The following CPVL variants were observed in gnomAD, a reference collection of about 807,000 sequenced individuals.
CPVL encodes the protein carboxypeptidase vitellogenic like, also known as probable serine carboxypeptidase CPVL.
A neutral mutation model predicts 63.7 loss-of-function variants in CPVL; 51 were observed. The ratio of observed to expected loss-of-function variants is 0.80; its 90% CI spans 0.64 to 1.01. CPVL has a LOEUF of 1.01. CPVL is among the 50% of genes least tolerant of loss of function. The probability of loss-of-function intolerance (pLI) is 0.00; values close to 1 mark genes in which losing one functional copy is unlikely to be tolerated. For synonymous variants in CPVL, 195 were observed against 206.0 expected (o/e 0.95, Z 0.46); for missense variants, 530 against 573.1 (o/e 0.92, Z 0.77).
At chr7:29,047,715 A>G (rs1056176735) in intron 11 of CPVL, among the ~76,000 whole-genome samples, 1 of 152,202 alleles carries the variant, frequency 6.6e-6, no homozygotes, top group African/African-American at 2.4e-5. Context: ...TCACAAAAAG[A>G]TCATCACCTA....
chr7:29,027,049 G>T (rs1281040602), intron 12 of CPVL, among the ~76,000 whole-genome samples: 1 of 152,016 alleles, frequency 6.6e-6, no homozygotes, highest in African/African-American at 2.4e-5. Context: ...GAAAACTACA[G>T]GCCAATCTCC....
intron 12 of CPVL, among the ~76,000 whole-genome samples, chr7:29,019,634 C>T (rs1015421903): frequency 8.5e-5 from 13 of 152,196 alleles, no homozygotes; most frequent in African/African-American, 3.1e-4. Flanking sequence ...GACACATACC[C>T]ATGCTTCTGT....
chr7:29,185,570 T>A (rs1438013323), exon 3 of CPVL: 1 of 151,718 alleles, frequency 6.6e-6, no homozygotes, highest in African/African-American at 2.4e-5. Flanking sequence ...ATTTCTCTTA[T>A]CAAACCTTAG....
intron 12 of CPVL, among the ~76,000 whole-genome samples, chr7:29,026,531 G>A (rs1787507657): frequency 6.6e-6 from 1 of 150,634 alleles, no homozygotes; most frequent in South Asian, 2.1e-4. Context: ...GAAATACAAA[G>A]GATCAATGAA....
intron 5 of CPVL, among the ~76,000 whole-genome samples, chr7:29,173,499 A>G (rs561866920): frequency 6.6e-6 from 1 of 152,170 alleles, no homozygotes; most frequent in East Asian, 1.9e-4. Flanking sequence ...CAATATTATA[A>G]CTTTCTTTCC....
At chr7:29,139,793 A>G (rs1375132611) in intron 1 of CPVL, among the ~76,000 whole-genome samples, 2 of 152,156 alleles carry the variant, frequency 1.3e-5, no homozygotes, top group African/African-American at 4.8e-5. Context: ...TTCTCCTGCC[A>G]GCCAAGTTAA....
chr7:29,045,491 A>T (rs1232807746), intron 11 of CPVL, among the ~76,000 whole-genome samples: 1 of 152,186 alleles, frequency 6.6e-6, no homozygotes, highest in Non-Finnish European at 1.5e-5. Flanking sequence ...TGCAGAAGTC[A>T]TGCTTCACTG....
chr7:29,003,063 T>G (rs1784813992), intron 12 of CPVL, among the ~76,000 whole-genome samples: 1 of 151,954 alleles, frequency 6.6e-6, no homozygotes, highest in Non-Finnish European at 1.5e-5. Context: ...CTATGAATCC[T>G]AGATAGAATA....
intron 4 of CPVL, 146 bp downstream of exon 4, chr7:29,095,957 T>G: frequency 4.2e-6 from 3 of 715,426 alleles, no homozygotes; most frequent in East Asian, 2.5e-5. Context: ...CCTTCTCGGA[T>G]GGATATTGCC....
At chr7:29,099,102 G>T (rs1023644210) in intron 3 of CPVL, among the ~76,000 whole-genome samples, 1 of 151,894 alleles carries the variant, frequency 6.6e-6, no homozygotes, top group African/African-American at 2.4e-5. Context: ...AATAAAAATT[G>T]AAAAAAGATC....
At position 29,120,983 on chromosome 7, in the gene CPVL, G is replaced by A. The variant is rs1789311895; in HGVS notation, c.79C>T (p.Leu27=). 6.2e-7 allele frequency: 1 copy of A among 1,613,780 alleles called. No homozygotes were observed. Among genetic ancestry groups the A allele is most frequent in the African/African-American group, 1.3e-5 (1 of 74,882 alleles). The change falls in exon 2 of 13, where the codon CTA becomes TTA. Residue 27 remains leucine, a synonymous_variant. Coordinates refer to ENST00000265394, the MANE Select transcript of CPVL (RefSeq NM_031311.5). The part of the protein sequence containing the change: ...PGPCDGLFRS[L]YRSVSMPPKG... ...GGTGGCATGGAAACACTTCTGTATAGGGAGCGAAACAGCCCATCACAGGGG... is the reference window on the plus strand; with the variant it reads ...GGTGGCATGGAAACACTTCTGTATAAGGAGCGAAACAGCCCATCACAGGGG...
At chr7:29,166,875 A>G (rs1479775942) in intron 5 of CPVL, among the ~76,000 whole-genome samples, 1 of 152,038 alleles carries the variant, frequency 6.6e-6, no homozygotes, top group Non-Finnish European at 1.5e-5. Context: ...TTTGAAACAT[A>G]TTTATAATAG....
At chr7:29,030,083 T>C (rs1379741710) in intron 12 of CPVL, among the ~76,000 whole-genome samples, 1 of 152,148 alleles carries the variant, frequency 6.6e-6, no homozygotes, top group Non-Finnish European at 1.5e-5. Flanking sequence ...ATAACCATGA[T>C]TCCAACACTT....
chr7:29,185,880 C>T (rs1414378394), intron 2 of CPVL, among the ~76,000 whole-genome samples: 1 of 152,138 alleles, frequency 6.6e-6, no homozygotes, highest in South Asian at 2.1e-4. Flanking sequence ...GTTGCACAGC[C>T]CTGTCCTATG....
intron 9 of CPVL, among the ~76,000 whole-genome samples, chr7:29,066,720 CA>C (rs1383768156): frequency 6.6e-6 from 1 of 152,160 alleles, no homozygotes; most frequent in African/African-American, 2.4e-5. Context: ...GGATATGGTG[CA>C]GATGCAGGTT....
chr7:29,167,161 A>G (rs1276750006), intron 5 of CPVL, among the ~76,000 whole-genome samples: 1 of 152,174 alleles, frequency 6.6e-6, no homozygotes, highest in Non-Finnish European at 1.5e-5. Flanking sequence ...AAGGTACAAT[A>G]TCTTGAATTT....
At chr7:29,070,604 A>G (rs1783639235) in intron 9 of CPVL, among the ~76,000 whole-genome samples, 2 of 152,180 alleles carry the variant, frequency 1.3e-5, no homozygotes, top group African/African-American at 2.4e-5. Context: ...ACAATTGCAT[A>G]AGAAATTCTG....
intron 12 of CPVL, among the ~76,000 whole-genome samples, chr7:29,029,197 T>C (rs1383516615): frequency 2.6e-5 from 4 of 152,074 alleles, no homozygotes; most frequent in South Asian, 2.1e-4. Context: ...TCATACACTA[T>C]TGGTAGGAAT....
chr7:29,148,137 G>A (rs1194772056), upstream of CPVL, among the ~76,000 whole-genome samples: 1 of 152,178 alleles, frequency 6.6e-6, no homozygotes, highest in Non-Finnish European at 1.5e-5. Context: ...ACTGCTGCTG[G>A]CGTGCAGACC....
Sources: gnomAD v4.1 joint callset for allele counts (sites outside exome capture counted in the v4.1 genomes callset) on GRCh38, gnomAD v4.1.1 for gene constraint, MANE v1.5 for transcripts, NCBI Gene and HGNC (gene_info 2026-07-23, HGNC 2026-07-21) for gene names.